Variants in ZNF23 observed in about 807,000 individuals in gnomAD.
The protein encoded by ZNF23 is zinc finger protein 23.
ZNF23 carries 48 observed loss-of-function variants against 56.2 expected under a neutral mutation model. The observed-to-expected ratio is 0.85, with a 90% CI of 0.68 to 1.09. ZNF23 has a LOEUF of 1.09. ZNF23 is among the 50% of genes least tolerant of loss of function. ZNF23 has a pLI of 0.00. For missense variants in ZNF23, 805 were observed against 811.4 expected (o/e 0.99, Z 0.10); for synonymous variants, 266 against 283.3 (o/e 0.94, Z 0.61).
intron 1 of ZNF23, among the ~76,000 whole-genome samples, chr16:71,461,502 GTACTT>G (rs1292043270): frequency 6.6e-6 from 1 of 152,178 alleles, no homozygotes; most frequent in Non-Finnish European, 1.5e-5. Flanking sequence ...TCCAAGTACT[GTACTT>G]TAGGTAGTAA....
chr16:71,449,922 A>C, intron 4 of ZNF23, 37 bp from the exon 5 acceptor site: 1 of 1,500,814 alleles, frequency 6.7e-7, no homozygotes, highest in Non-Finnish European at 8.9e-7. Context: ...TCATGTAAGA[A>C]CCATGTTAGG....
Position 71,453,364 on chromosome 16 carries a change from G to C in ZNF23, c.161-14C>G. 1 of 1,558,432 alleles carries C rather than the reference G, an allele frequency of 6.4e-7. No individual in the cohort carries two copies. The highest frequency in any genetic ancestry group is 8.7e-7 in the Non-Finnish European group (1 of 1,143,450). ...GAAGTGGAAATCCTGGTTTGGGAGA[G>C]GTAAATAGGAGAGACAGATGAATAA... On this transcript the variant is annotated splice_polypyrimidine_tract_variant and intron_variant, in intron 3 of 4. Coordinates refer to ENST00000647773, the MANE Select transcript of ZNF23 (RefSeq NM_001381984.1).
At chr16:71,458,587 GAGGTCCTAAGGGTGGGACTAA>G (rs1203274610) in intron 1 of ZNF23, among the ~76,000 whole-genome samples, 27 of 152,206 alleles carry the variant, frequency 1.8e-4, no homozygotes, top group Non-Finnish European at 3.8e-4. Flanking sequence ...AAGGATAAAT[GAGGTCCTAAGGGTGGGACTAA>G]AGGTCCTAAG....
At chr16:71,450,561 C>A in intron 4 of ZNF23, 1 of 326,814 alleles carries the variant, frequency 3.1e-6, no homozygotes, top group Non-Finnish European at 6.2e-6. Flanking sequence ...TCTACTAAAC[C>A]ACAAAAAATT....
At chr16:71,452,881 C>T (rs1388590230) in intron 4 of ZNF23, among the ~76,000 whole-genome samples, 3 of 152,198 alleles carry the variant, frequency 2.0e-5, no homozygotes. Flanking sequence ...TTAAGCACTT[C>T]TATCTGTGTG....
rs988114875 is a variant in ZNF23 at position 71,449,734 on chromosome 16, A to G, written c.420T>C (p.Asn140=). The G allele has an allele frequency of 1.4e-5, 22 of 1,613,784 alleles. No individual in the cohort carries two copies. Among genetic ancestry groups the G allele is most frequent in the Non-Finnish European group, 1.9e-5 (22 of 1,180,010 alleles). ...TGGTGTTGCTCTTCTCCTTCTTTAT[A>G]TTTCCTGCTGAGTGGACTTCCTGTT... ...EKQQEVHSAG[N]IKKEKSNTID... The change falls in exon 5 of 5, where the codon AAT becomes AAC. Residue 140 remains asparagine (N), a synonymous_variant. Coordinates refer to ENST00000647773, the MANE Select transcript of ZNF23 (RefSeq NM_001381984.1).
At position 71,448,158 on chromosome 16, in the gene ZNF23, T is replaced by C; in HGVS notation, c.1996A>G (p.Lys666Glu). The change falls in exon 5 of 5, where the codon AAA becomes GAA. Residue 666 changes from lysine to glutamate, a missense_variant. Coordinates refer to ENST00000647773, the MANE Select transcript of ZNF23 (RefSeq NM_001381984.1). ...KKPYMCSVCG[K>E]AFRFSFQLSQ... ...AGCTGGAAGCTAAACCTGAATGCTT[T>C]CCCACACACACTACACATATAGGGT... The C allele has an allele frequency of 6.2e-7, 1 of 1,614,016 alleles. No homozygotes were observed. The highest frequency in any genetic ancestry group is 1.1e-5 in the South Asian group (1 of 91,024).
chr16:71,454,522 C>G (rs1265473847), intron 2 of ZNF23, among the ~76,000 whole-genome samples: 1 of 152,154 alleles, frequency 6.6e-6, no homozygotes, highest in East Asian at 1.9e-4. Context: ...GGTCCCACAC[C>G]ACTCCCCTGC....
At chr16:71,458,645 G>A (rs548366977) in intron 1 of ZNF23, among the ~76,000 whole-genome samples, 10 of 152,292 alleles carry the variant, frequency 6.6e-5, no homozygotes, top group African/African-American at 2.2e-4. Flanking sequence ...TAGGGGTGAT[G>A]CCTTTACAAG....
Position 71,453,330 on chromosome 16 carries a change from C to A in ZNF23, c.181G>T (p.Ala61Ser). 6.2e-7 allele frequency: 1 copy of A among 1,601,080 alleles called. No individual in the cohort carries two copies. Among genetic ancestry groups the A allele is most frequent in the Non-Finnish European group, 8.5e-7 (1 of 1,173,212 alleles). ...ASLGFPLLKP[A>S]VISQLEGGSE... ...CCTCCCTCCAGTTGTGAGATCACAGCAGGTTTGAGAAGTGGAAATCCTGGT... is the reference window on the plus strand; with the variant it reads ...CCTCCCTCCAGTTGTGAGATCACAGAAGGTTTGAGAAGTGGAAATCCTGGT... The change falls in exon 4 of 5, where the codon GCT becomes TCT. Residue 61 changes from alanine to serine, a missense_variant. By Grantham distance (99) the Ala-to-Ser change is moderately conservative (BLOSUM62 1). Transcript: ENST00000647773.
intron 4 of ZNF23, chr16:71,452,615 T>A (rs1230190572): frequency 6.6e-6 from 1 of 152,268 alleles, no homozygotes; most frequent in East Asian, 1.9e-4. Flanking sequence ...CCCTTCCACA[T>A]TACCTTCCCT....
At chr16:71,451,990 G>C (rs1367842922) in intron 4 of ZNF23, 1 of 152,196 alleles carries the variant, frequency 6.6e-6, no homozygotes, top group East Asian at 1.9e-4. Context: ...TGCTGCCATG[G>C]GCCTCATGCC....
Position 71,447,977 on chromosome 16 carries a change from C to T in ZNF23, c.*116G>A. On this transcript the variant is annotated 3_prime_UTR_variant, in exon 5 of 5. Transcript: ENST00000647773. ...AAACTGAATAGAATAAAAACTGTTTCCATATGAAGACTCTGCCATATTCAT... is the reference window on the plus strand; with the variant it reads ...AAACTGAATAGAATAAAAACTGTTTTCATATGAAGACTCTGCCATATTCAT... The T allele has an allele frequency of 1.4e-6, 1 of 733,414 alleles. No individual in the cohort carries two copies. Among genetic ancestry groups the T allele is most frequent in the Non-Finnish European group, 2.1e-6 (1 of 477,110 alleles). The allele number at this position is 733,414 out of a possible 1,614,324, so 45.4% of individuals were successfully genotyped here. A position where few individuals can be genotyped will look rare whatever the true frequency, so the allele number is the denominator to read the frequency against.
intron 2 of ZNF23, 193 bp downstream of exon 2, chr16:71,456,571 C>T: frequency 4.9e-6 from 2 of 405,326 alleles, no homozygotes; most frequent in Non-Finnish European, 6.7e-6. Context: ...TCCTGCTCTC[C>T]TGCTCACTCT....
At chr16:71,459,066 C>T (rs2043343405) in intron 1 of ZNF23, among the ~76,000 whole-genome samples, 1 of 152,220 alleles carries the variant, frequency 6.6e-6, no homozygotes, top group Non-Finnish European at 1.5e-5. Flanking sequence ...TCCTCTTATC[C>T]CATCCTCAGT....
At position 71,453,301 on chromosome 16, in the gene ZNF23, A is replaced by C. The variant is rs1250381602; in HGVS notation, c.210T>G (p.Ser70Arg). The change falls in exon 4 of 5, where the codon AGT (serine) becomes AGG (arginine). Residue 70 changes from serine to arginine, a missense_variant. Physicochemically the swap from Ser to Arg is moderately radical, Grantham distance 110. Coordinates refer to ENST00000647773, the MANE Select transcript of ZNF23 (RefSeq NM_001381984.1). ...PAVISQLEGGSELGGSSPLAA... is the reference protein window; with the variant it reads ...PAVISQLEGGRELGGSSPLAA... ...CCAGTGGAGATGAGCCCCCCAGCTC[A>C]CTTCCTCCCTCCAGTTGTGAGATCA... 4 of 1,608,432 alleles carry C rather than the reference A, an allele frequency of 2.5e-6. No homozygotes were observed. In the Admixed American group the frequency reaches 6.7e-5, roughly 27 times the overall value.
At chr16:71,450,182 G>A in intron 4 of ZNF23, 1 of 225,336 alleles carries the variant, frequency 4.4e-6, no homozygotes, top group Non-Finnish European at 8.5e-6. Context: ...AAATATAAAA[G>A]ACAGATATAT....
chr16:71,450,656 T>C, intron 4 of ZNF23: 2 of 433,344 alleles, frequency 4.6e-6, no homozygotes, highest in South Asian at 3.2e-5. Context: ...GAAACGGAAG[T>C]TGCGGTGAGC....
At chr16:71,454,811 C>T (rs60305174) in intron 2 of ZNF23, among the ~76,000 whole-genome samples, 2,854 of 152,338 alleles carry the variant, frequency 0.019, 87 homozygotes, top group African/African-American at 0.065. Flanking sequence ...TTCACTGTTT[C>T]TCCAAGAACA....
Sources: gnomAD v4.1 joint callset for allele counts (sites outside exome capture counted in the v4.1 genomes callset) on GRCh38, gnomAD v4.1.1 for gene constraint, MANE v1.5 for transcripts, NCBI Gene and HGNC (gene_info 2026-07-23, HGNC 2026-07-21) for gene names.